Variants in NEGR1 observed in about 807,000 individuals in gnomAD.
The protein encoded by NEGR1 is IgLON family member 4.
A neutral mutation model predicts 40.9 loss-of-function variants in NEGR1; 10 were observed. The observed-to-expected ratio is 0.24, with a 90% CI of 0.15 to 0.42. NEGR1 has a LOEUF of 0.42. NEGR1 is among the 10% of genes least tolerant of loss of function. NEGR1 has a pLI of 1.00. For missense variants in NEGR1, 352 were observed against 438.9 expected, an observed-to-expected ratio of 0.80 and a Z score of 1.77; for synonymous variants, 185 against 166.8, an observed-to-expected ratio of 1.11 and a Z score of -0.84.
At chr1:72,090,709 A>G (rs1648447349) in intron 1 of NEGR1, among the ~76,000 whole-genome samples, 1 of 152,136 alleles carries the variant, frequency 6.6e-6, no homozygotes, top group Non-Finnish European at 1.5e-5. Context: ...GAAAATTAAA[A>G]CGAGCACAGT....
At chr1:71,498,036 G>A (rs1371240425) in intron 6 of NEGR1, among the ~76,000 whole-genome samples, 1 of 151,710 alleles carries the variant, frequency 6.6e-6, no homozygotes, top group Non-Finnish European at 1.5e-5. Flanking sequence ...AACTCAACAT[G>A]AGTTCATTAA....
At chr1:71,984,779 A>G (rs528955705) in intron 1 of NEGR1, among the ~76,000 whole-genome samples, 4 of 152,302 alleles carry the variant, frequency 2.6e-5, no homozygotes, top group Admixed American at 1.3e-4. Context: ...TAATGCCAAT[A>G]CAAATATTTC....
At chr1:72,240,878 T>C (rs948479275) in intron 1 of NEGR1, among the ~76,000 whole-genome samples, 1 of 151,814 alleles carries the variant, frequency 6.6e-6, no homozygotes, top group Admixed American at 6.6e-5. Flanking sequence ...GTATTAATCT[T>C]ATAGTACTGA....
rs1660659868 is a variant in NEGR1 at position 71,884,137 on chromosome 1, C to T, written c.409+50942G>A. Among the ~76,000 whole-genome samples, 4 of 152,114 alleles carry T rather than the reference C, an allele frequency of 2.6e-5. No individual in the cohort carries two copies. In the South Asian group the frequency reaches 8.3e-4, roughly 31 times the overall value. ...AAAGTCTACTGAAAGCAGTTCAGCTCATTCCCTCCTTACTCCATCTCTTTC... is the reference window on the plus strand; with the variant it reads ...AAAGTCTACTGAAAGCAGTTCAGCTTATTCCCTCCTTACTCCATCTCTTTC... On this transcript the variant is annotated intron_variant, in intron 2 of 6. Transcript: ENST00000357731.
intron 1 of NEGR1, among the ~76,000 whole-genome samples, chr1:71,957,156 A>C (rs1646125941): frequency 6.9e-6 from 1 of 145,350 alleles, no homozygotes. Context: ...TCCATGGAGC[A>C]AAAAAGATGC....
In NEGR1 at chr1:72,097,314, T is replaced by C. The variant is rs1648740705; in HGVS notation, c.177-162003A>G. 1.3e-5 allele frequency among the ~76,000 whole-genome samples: 2 copies of C among 152,174 alleles called. 1 individual carries two copies. Among genetic ancestry groups the C allele is most frequent in the South Asian group, 4.1e-4 (2 of 4,834 alleles). On this transcript the variant is annotated intron_variant, in intron 1 of 6. Transcript: ENST00000357731. Reference sequence around the variant, plus strand: ...TTGTGAAGATTAGTTGAGTAATATATGAAAAGTGGCTACAACATATCTGAT... The same window carrying C: ...TTGTGAAGATTAGTTGAGTAATATACGAAAAGTGGCTACAACATATCTGAT...
At chr1:71,657,796 A>C (rs1651925947) in intron 4 of NEGR1, among the ~76,000 whole-genome samples, 1 of 152,224 alleles carries the variant, frequency 6.6e-6, no homozygotes, top group Non-Finnish European at 1.5e-5. Context: ...AACTATTTGC[A>C]ATACTTAACT....
At chr1:71,752,742 G>A (rs1470350735) in intron 3 of NEGR1, among the ~76,000 whole-genome samples, 2 of 151,228 alleles carry the variant, frequency 1.3e-5, no homozygotes, top group Non-Finnish European at 2.9e-5. Context: ...TTTCATAGAT[G>A]CCAGAGTTCA....
At chr1:71,884,506 T>C (rs1397605518) in intron 2 of NEGR1, among the ~76,000 whole-genome samples, 1 of 152,206 alleles carries the variant, frequency 6.6e-6, no homozygotes, top group East Asian at 1.9e-4. Context: ...AATGCACAAA[T>C]TATTAAAATT....
chr1:72,013,987 AAGG>A (rs200851479), intron 1 of NEGR1, among the ~76,000 whole-genome samples: 7,286 of 137,568 alleles, frequency 0.053, 311 homozygotes, highest in African/African-American at 0.079. Context: ...AAAAAAAAAA[AAGG>A]AGGTTGGGGG....
At chr1:71,886,585 C>T (rs537097050) in intron 2 of NEGR1, among the ~76,000 whole-genome samples, 108 of 152,158 alleles carry the variant, frequency 7.1e-4, no homozygotes, top group African/African-American at 2.6e-3. Context: ...ACAGTCACCC[C>T]TACTTTTTAC....
intron 3 of NEGR1, among the ~76,000 whole-genome samples, chr1:71,723,910 A>C (rs1250074902): frequency 3.3e-5 from 5 of 152,142 alleles, no homozygotes; most frequent in African/African-American, 1.2e-4. Context: ...ATTGAATTAA[A>C]TCCTTGGACA....
chr1:72,228,894 C>T (rs921287509), intron 1 of NEGR1, among the ~76,000 whole-genome samples: 1 of 152,066 alleles, frequency 6.6e-6, no homozygotes, highest in African/African-American at 2.4e-5. Context: ...AGAATCATGA[C>T]AAAAATTCAT....
Position 71,864,297 on chromosome 1 carries a change from C to G in NEGR1, c.409+70782G>C, listed in dbSNP as rs188109149. Among the ~76,000 whole-genome samples the G allele has an allele frequency of 2.2e-4, 33 of 152,118 alleles. No homozygotes were observed. The East Asian group carries it at 6.0e-3, about 28-fold the overall frequency. ...ATGCAGTTCTTGGTCACTGATGAAC[C>G]CTGTAAGGAAGGTTTGTCCTGCTCC... is the stretch of plus-strand genomic sequence containing the variant. On this transcript the variant is annotated intron_variant, in intron 2 of 6. Transcript: ENST00000357731.
chr1:72,101,731 C>G (rs753305491), intron 1 of NEGR1, among the ~76,000 whole-genome samples: 4 of 151,932 alleles, frequency 2.6e-5, no homozygotes, highest in Non-Finnish European at 5.9e-5. Context: ...CAAATGCTGG[C>G]TTCAAACACA....
intron 1 of NEGR1, among the ~76,000 whole-genome samples, chr1:72,165,501 G>A (rs1651733098): frequency 1.3e-5 from 2 of 151,992 alleles, no homozygotes; most frequent in South Asian, 4.1e-4. Flanking sequence ...GAATTCTGGA[G>A]AGGATGAAGC....
Position 71,625,685 on chromosome 1 carries a change from T to C in NEGR1, c.668-14539A>G, listed in dbSNP as rs550490864. Among the ~76,000 whole-genome samples the C allele has an allele frequency of 1.1e-4, 16 of 151,528 alleles. No homozygotes were observed. The South Asian group carries it at 2.1e-3, about 20-fold the overall frequency. On this transcript the variant is annotated intron_variant, in intron 4 of 6. Coordinates refer to ENST00000357731, the MANE Select transcript of NEGR1 (RefSeq NM_173808.3). ...GTTATTTTTCTATATTTTATATATATTTAAATAAATTTAACATATTTGTTA... is the reference window on the plus strand; with the variant it reads ...GTTATTTTTCTATATTTTATATATACTTAAATAAATTTAACATATTTGTTA...
intron 1 of NEGR1, among the ~76,000 whole-genome samples, chr1:72,169,359 C>A (rs796144347): frequency 2.8e-4 from 42 of 152,240 alleles, no homozygotes; most frequent in African/African-American, 9.9e-4. Context: ...TATCAACCTA[C>A]TGGACTTTAA....
At chr1:71,570,376 A>G (rs545787189) in intron 6 of NEGR1, among the ~76,000 whole-genome samples, 2 of 152,236 alleles carry the variant, frequency 1.3e-5, no homozygotes, top group East Asian at 3.9e-4. Flanking sequence ...ATCTTAGAAA[A>G]ACTGCCCATG....
Sources: gnomAD v4.1 joint callset for allele counts (sites outside exome capture counted in the v4.1 genomes callset) on GRCh38, gnomAD v4.1.1 for gene constraint, MANE v1.5 for transcripts, NCBI Gene and HGNC (gene_info 2026-07-23, HGNC 2026-07-21) for gene names.